WDR19: variants seen among roughly 807,000 people sequenced by gnomAD.
The protein encoded by WDR19 is WD repeat-containing protein 19.
Under a neutral mutation model 180.0 loss-of-function variants are expected in WDR19, and 121 were observed. The observed-to-expected ratio is 0.67, with a 90% CI of 0.58 to 0.78. The LOEUF is 0.78. Ranked by LOEUF, WDR19 falls within the 30% of genes least tolerant of loss-of-function variation. The pLI is 0.00. For missense variants in WDR19, 1,450 were observed against 1,640.7 expected (o/e 0.88, Z 2.01); for synonymous variants, 497 against 540.7 (o/e 0.92, Z 1.12).
chr4:39,281,236 T>TATATATCGAGAGAGAG (rs762298152), intron 36 of WDR19, among the ~76,000 whole-genome samples: 1 of 104,040 alleles, frequency 9.6e-6, no homozygotes, highest in Non-Finnish European at 1.8e-5. Context: ...TATATATATA[T>TATATATCGAGAGAGAG]AGAGAGAGAG....
Position 39,253,155 on chromosome 4 carries a change from A to T in WDR19, c.2739A>T (p.Glu913Asp). 1 of 1,588,456 alleles carries T rather than the reference A, an allele frequency of 6.3e-7. No homozygotes were observed. The highest frequency in any genetic ancestry group is 8.5e-7 in the Non-Finnish European group (1 of 1,171,980). Residue 913 changes from glutamate (E) to aspartate (D), a missense_variant, in exon 25 of 37, where the codon GAA (glutamate) becomes GAT (aspartate). Physicochemically the swap from Glu to Asp is conservative, Grantham distance 45. Transcript: ENST00000399820. The stretch of plus-strand genomic sequence containing the variant: ...AGCTATTTTTTTACAGATACAAAGA[A>T]GCTGTTGTAGCTTATGAAAATGCAA... ...KAKEADGRYK[E>D]AVVAYENAKQ...
chr4:39,186,652 A>G (rs766994578), intron 3 of WDR19, 48 bp downstream of exon 3: 22 of 1,255,886 alleles, frequency 1.8e-5, no homozygotes, highest in Admixed American at 1.6e-4. Flanking sequence ...TTTGTTGCCT[A>G]AAAGATTAAA....
chr4:39,217,907 A>G, intron 13 of WDR19, 76 bp from the exon 14 acceptor site: 1 of 1,538,604 alleles, frequency 6.5e-7, no homozygotes, highest in Non-Finnish European at 8.8e-7. Flanking sequence ...GAACTTGAGA[A>G]AAAGACACCC....
Position 39,246,639 on chromosome 4 carries a change from C to T in WDR19, c.2729+1187C>T, listed in dbSNP as rs149661662. 6.1e-3 allele frequency among the ~76,000 whole-genome samples: 932 copies of T among 152,286 alleles called. 6 individuals carry two copies. The highest frequency in any genetic ancestry group is 0.022 in the African/African-American group (901 of 41,568). ...GGGTGACAGACGGCACCCGTAAAATCGGGTCACTCCCACCCTAATACTGTG... is the reference window on the plus strand; with the variant it reads ...GGGTGACAGACGGCACCCGTAAAATTGGGTCACTCCCACCCTAATACTGTG... On this transcript the variant is annotated intron_variant, in intron 24 of 36. Transcript: ENST00000399820.
intron 28 of WDR19, among the ~76,000 whole-genome samples, chr4:39,264,145 G>A (rs979365061): frequency 6.6e-6 from 1 of 152,268 alleles, no homozygotes; most frequent in Middle Eastern, 3.4e-3. Flanking sequence ...CAACAGTTCT[G>A]TGAGTTAGGT....
At chr4:39,269,570 T>G (rs6531701) in intron 30 of WDR19, among the ~76,000 whole-genome samples, 148,742 of 152,330 alleles carry the variant, frequency 0.98, 72,716 homozygotes, top group Middle Eastern at 1. Flanking sequence ...ATCTGGCCGG[T>G]CACAATGGCT....
intron 29 of WDR19, among the ~76,000 whole-genome samples, chr4:39,267,227 C>G (rs571669135): frequency 1.3e-5 from 2 of 152,310 alleles, no homozygotes; most frequent in South Asian, 4.2e-4. Context: ...ACCTCCTTCC[C>G]CTTTGCTTTA....
At chr4:39,225,175 GT>G (rs1235299155) in intron 15 of WDR19, 142 bp downstream of exon 15, 1 of 645,270 alleles carries the variant, frequency 1.5e-6, no homozygotes, top group African/African-American at 1.9e-5. Context: ...ATAATATCAT[GT>G]TTATGATAGA....
Position 39,234,808 on chromosome 4 carries a change from G to A in WDR19, c.2296G>A (p.Ala766Thr), listed in dbSNP as rs1038231795. 1 of 1,585,386 alleles carries A rather than the reference G, an allele frequency of 6.3e-7. No homozygotes were observed. Among genetic ancestry groups the A allele is most frequent in the South Asian group, 1.2e-5 (1 of 86,442 alleles). The change falls in exon 20 of 37, where the codon GCA (alanine) becomes ACA (threonine). Residue 766 changes from alanine (A) to threonine (T), a missense_variant. Ala to Thr is a moderately conservative substitution (Grantham distance 58). Coordinates refer to ENST00000399820, the MANE Select transcript of WDR19 (RefSeq NM_025132.4). ...GCATTGGGACAGTGCTCTACAACTG[G>A]CAAAGCATTTGGCCCCAGACCAGAT... The part of the protein sequence containing the change: ...LQHWDSALQL[A>T]KHLAPDQIPF...
At chr4:39,248,268 G>C (rs981930839) in intron 24 of WDR19, among the ~76,000 whole-genome samples, 1 of 152,082 alleles carries the variant, frequency 6.6e-6, no homozygotes, top group African/African-American at 2.4e-5. Context: ...CATAAGTGAA[G>C]GAGAAATAAA....
intron 29 of WDR19, among the ~76,000 whole-genome samples, chr4:39,266,779 A>G (rs1734838148): frequency 6.6e-6 from 1 of 152,242 alleles, no homozygotes; most frequent in Non-Finnish European, 1.5e-5. Flanking sequence ...GTAGTTCTCT[A>G]TAACATAAAA....
chr4:39,217,343 A>C (rs1470559738), intron 13 of WDR19, 103 bp downstream of exon 13: 10 of 911,540 alleles, frequency 1.1e-5, no homozygotes, highest in Non-Finnish European at 1.7e-5. Flanking sequence ...GTACAGACTA[A>C]CTAGAAAGCC....
chr4:39,270,089 A>G lies in WDR19; in HGVS notation c.3472A>G (p.Ile1158Val), dbSNP rs1426405030. Residue 1158 changes from isoleucine (I) to valine (V), a missense_variant, in exon 31 of 37, where the codon ATA becomes GTA. Coordinates refer to ENST00000399820, the MANE Select transcript of WDR19 (RefSeq NM_025132.4). ...ATNLMILHSYILVKIHVKNGD... is the reference protein window; with the variant it reads ...ATNLMILHSYVLVKIHVKNGD... ...CAACCTCATGATTCTGCACAGCTATATACTAGTAAAGGTGAGGCCCATGGA... is the reference window on the plus strand; with the variant it reads ...CAACCTCATGATTCTGCACAGCTATGTACTAGTAAAGGTGAGGCCCATGGA... 1 of 1,613,816 alleles carries G rather than the reference A, an allele frequency of 6.2e-7. No individual in the cohort carries two copies. The highest frequency in any genetic ancestry group is 8.5e-7 in the Non-Finnish European group (1 of 1,179,828).
In WDR19 at chr4:39,228,374, G is replaced by A. The variant is rs1730498904; in HGVS notation, c.1777+17G>A. The A allele has an allele frequency of 5.0e-6, 8 of 1,603,510 alleles. No homozygotes were observed. The South Asian group carries it at 7.8e-5, about 16-fold the overall frequency. On this transcript the variant is annotated intron_variant, in intron 16 of 36. Transcript: ENST00000399820. ...CTATACAAGGTACTAAACCCCTTTT[G>A]TGTATATTCGCTGACAGATGAATTT...
chr4:39,224,146 T>G (rs1192013798), intron 14 of WDR19, among the ~76,000 whole-genome samples: 3 of 152,202 alleles, frequency 2.0e-5, no homozygotes, highest in Non-Finnish European at 4.4e-5. Context: ...TGTTCATTGC[T>G]AATATACATT....
chr4:39,278,326 A>G, intron 35 of WDR19, 119 bp downstream of exon 35: 1 of 1,070,648 alleles, frequency 9.3e-7, no homozygotes, highest in South Asian at 1.5e-5. Flanking sequence ...TAAAGACTCA[A>G]ATTGTCTTCT....
intron 9 of WDR19, among the ~76,000 whole-genome samples, chr4:39,212,584 GAGT>G (rs1386326386): frequency 1.3e-5 from 2 of 152,184 alleles, no homozygotes; most frequent in Non-Finnish European, 2.9e-5. Flanking sequence ...CTGAGGTCAG[GAGT>G]TTGAGACCAA....
intron 14 of WDR19, among the ~76,000 whole-genome samples, chr4:39,220,334 T>C (rs575403865): frequency 6.6e-6 from 1 of 152,194 alleles, no homozygotes; most frequent in South Asian, 2.1e-4. Context: ...TTATTGTTTT[T>C]TAGAGACAGG....
At chr4:39,206,908 C>A (rs997141695) in intron 9 of WDR19, among the ~76,000 whole-genome samples, 1 of 152,132 alleles carries the variant, frequency 6.6e-6, no homozygotes, top group Admixed American at 6.5e-5. Flanking sequence ...AAAATATTAA[C>A]CTTCTCCATG....
Sources: gnomAD v4.1 joint callset for allele counts (sites outside exome capture counted in the v4.1 genomes callset) on GRCh38, gnomAD v4.1.1 for gene constraint, MANE v1.5 for transcripts, NCBI Gene and HGNC (gene_info 2026-07-23, HGNC 2026-07-21) for gene names.